The following LRRC49 variants were observed in gnomAD, a reference collection of about 807,000 sequenced individuals.
The protein encoded by LRRC49 is leucine-rich repeat-containing protein 49.
In LRRC49, 50 loss-of-function variants were observed where a neutral mutation model predicts 83.3. The observed-to-expected ratio is 0.60, with a 90% CI of 0.48 to 0.76. The LOEUF is 0.76. Ranked by LOEUF, LRRC49 falls within the 30% of genes least tolerant of loss-of-function variation. The pLI is 0.00. For synonymous variants in LRRC49, 286 were observed against 283.3 expected, an observed-to-expected ratio of 1.01 and a Z score of -0.10; for missense variants, 704 against 809.1, an observed-to-expected ratio of 0.87 and a Z score of 1.58.
intron 8 of LRRC49, among the ~76,000 whole-genome samples, chr15:70,960,309 G>A (rs2036560245): frequency 6.6e-6 from 1 of 152,144 alleles, no homozygotes; most frequent in Admixed American, 6.5e-5. Context: ...GAGTAGCCCT[G>A]ACAAAGCCTA....
intron 10 of LRRC49, among the ~76,000 whole-genome samples, chr15:70,983,139 T>C (rs2037464097): frequency 6.6e-6 from 1 of 152,202 alleles, no homozygotes; most frequent in East Asian, 1.9e-4. Context: ...TTAAATATTA[T>C]CTTTTGATAA....
intron 14 of LRRC49, among the ~76,000 whole-genome samples, chr15:71,029,397 G>C (rs1028199354): frequency 3.3e-5 from 5 of 151,992 alleles, no homozygotes; most frequent in African/African-American, 1.2e-4. Flanking sequence ...GACTGTTATG[G>C]TTTCTCTTCT....
At chr15:71,034,150 T>G (rs2039446101) in intron 14 of LRRC49, among the ~76,000 whole-genome samples, 2 of 151,972 alleles carry the variant, frequency 1.3e-5, no homozygotes, top group Non-Finnish European at 2.9e-5. Context: ...GACAAAGGCC[T>G]AATATCCAGA....
intron 8 of LRRC49, among the ~76,000 whole-genome samples, chr15:70,950,887 T>C (rs2036192555): frequency 1.3e-5 from 2 of 152,180 alleles, no homozygotes; most frequent in African/African-American, 4.8e-5. Context: ...TTTTTATTGG[T>C]TTAGGTCTTA....
chr15:70,993,833 A>G (rs1194725318), intron 11 of LRRC49, among the ~76,000 whole-genome samples: 1 of 152,116 alleles, frequency 6.6e-6, no homozygotes, highest in Non-Finnish European at 1.5e-5. Context: ...TAGTCCTTCA[A>G]TCCGTCAAAT....
At chr15:70,945,519 CTGTGTGTG>C (rs749607668) in intron 8 of LRRC49, among the ~76,000 whole-genome samples, 127 of 135,878 alleles carry the variant, frequency 9.3e-4, no homozygotes, top group South Asian at 2.0e-3. Flanking sequence ...ATTTAACAAC[CTGTGTGTG>C]TGTGTGTGTG....
chr15:70,904,726 T>A lies in LRRC49; in HGVS notation c.471T>A (p.Cys157Ter). Reference sequence around the variant, plus strand: ...TTAGTGGGCTTTCGACTCTGAGATGTCTTCGTGTCCTTCTGTTGGGGAAAA... The same window carrying A: ...TTAGTGGGCTTTCGACTCTGAGATGACTTCGTGTCCTTCTGTTGGGGAAAA... ...EEISGLSTLR[C>*]LRVLLLGKNR... Residue 157 changes from cysteine (C) to a stop codon, truncating the protein, a stop_gained, in exon 5 of 16, where the codon TGT (cysteine) becomes TGA (stop). Transcript: ENST00000260382. LOFTEE classifies it high-confidence loss of function. 1 of 1,613,328 alleles carries A rather than the reference T, an allele frequency of 6.2e-7. No individual in the cohort carries two copies. Among genetic ancestry groups the A allele is most frequent in the Non-Finnish European group, 8.5e-7 (1 of 1,179,498 alleles).
intron 7 of LRRC49, among the ~76,000 whole-genome samples, chr15:70,920,143 G>A (rs1277149541): frequency 6.6e-6 from 1 of 152,136 alleles, no homozygotes; most frequent in Non-Finnish European, 1.5e-5. Context: ...CACTTTGAAA[G>A]ACACAATATA....
At chr15:70,918,642 TC>T (rs1280009255) in intron 6 of LRRC49, 1 of 154,286 alleles carries the variant, frequency 6.5e-6, no homozygotes, top group African/African-American at 2.4e-5. Flanking sequence ...GTCATTCCTT[TC>T]CCTTGCCTTT....
chr15:70,904,528 T>G, intron 4 of LRRC49, 24 bp from the exon 5 acceptor site: 4 of 1,519,728 alleles, frequency 2.6e-6, no homozygotes, highest in Non-Finnish European at 3.6e-6. Flanking sequence ...CATAACCTAA[T>G]TAACTTTTTA....
chr15:70,871,014 A>G (rs1422176648), intron 1 of LRRC49, among the ~76,000 whole-genome samples: 2 of 148,722 alleles, frequency 1.3e-5, no homozygotes, highest in African/African-American at 2.5e-5. Context: ...GGGATTTGGC[A>G]GGGTCATAGG....
intron 10 of LRRC49, among the ~76,000 whole-genome samples, chr15:70,982,165 C>G (rs185578553): frequency 6.6e-6 from 1 of 152,200 alleles, no homozygotes; most frequent in East Asian, 1.9e-4. Context: ...TTAACATACT[C>G]AGTGGTCTAA....
chr15:71,039,895 A>G (rs2039645671), intron 15 of LRRC49, among the ~76,000 whole-genome samples: 1 of 152,260 alleles, frequency 6.6e-6, no homozygotes, highest in African/African-American at 2.4e-5. Context: ...GTATTGAAAA[A>G]GAAGGAAAAC....
chr15:70,920,557 T>C (rs750925998), intron 7 of LRRC49, among the ~76,000 whole-genome samples: 19 of 152,194 alleles, frequency 1.2e-4, no homozygotes, highest in Non-Finnish European at 2.4e-4. Context: ...CAAAAAGCTT[T>C]GTTAGAGTAG....
chr15:70,906,683 T>C (rs2034328138), intron 5 of LRRC49, among the ~76,000 whole-genome samples: 1 of 152,218 alleles, frequency 6.6e-6, no homozygotes, highest in Non-Finnish European at 1.5e-5. Flanking sequence ...AACTTGTGCC[T>C]TGAAGGTACC....
At chr15:70,939,078 T>C (rs1355360116) in intron 8 of LRRC49, among the ~76,000 whole-genome samples, 1 of 152,240 alleles carries the variant, frequency 6.6e-6, no homozygotes, top group South Asian at 2.1e-4. Context: ...GGTTACAATG[T>C]AAATATGTTT....
At chr15:71,015,678 C>A (rs536931576) in intron 14 of LRRC49, among the ~76,000 whole-genome samples, 1 of 152,296 alleles carries the variant, frequency 6.6e-6, no homozygotes, top group Admixed American at 6.5e-5. Context: ...AAATAGAGTT[C>A]TTACATACTT....
chr15:71,036,404 T>C (rs1441608371), intron 14 of LRRC49, among the ~76,000 whole-genome samples: 1 of 152,198 alleles, frequency 6.6e-6, no homozygotes, highest in Non-Finnish European at 1.5e-5. Flanking sequence ...TATTGTGTTA[T>C]ACTTTTAGAT....
chr15:70,985,451 C>T (rs987087397), intron 11 of LRRC49, among the ~76,000 whole-genome samples: 1 of 152,098 alleles, frequency 6.6e-6, no homozygotes, highest in African/African-American at 2.4e-5. Flanking sequence ...CTGTTCATGT[C>T]CTTCGCCCAC....
Sources: gnomAD v4.1 joint callset for allele counts (sites outside exome capture counted in the v4.1 genomes callset) on GRCh38, gnomAD v4.1.1 for gene constraint, MANE v1.5 for transcripts, NCBI Gene and HGNC (gene_info 2026-07-23, HGNC 2026-07-21) for gene names.